NR3C1: variants seen among roughly 807,000 people sequenced by gnomAD.
The protein encoded by NR3C1 is glucocorticoid receptor.
A neutral mutation model predicts 74.0 loss-of-function variants in NR3C1; 14 were observed. The observed-to-expected ratio is 0.19, with a 90% CI of 0.12 to 0.30. The LOEUF (loss-of-function observed/expected upper bound fraction) is 0.30, where lower values mean the gene tolerates loss of function less well. Among genes scored for constraint, NR3C1 ranks in the 10% least tolerant of loss-of-function variants. The probability of loss-of-function intolerance (pLI) is 1.00; values close to 1 mark genes in which losing one functional copy is unlikely to be tolerated. For missense variants in NR3C1, 695 were observed against 909.8 expected, an observed-to-expected ratio of 0.76 and a Z score of 3.04; for synonymous variants, 308 against 332.5, an observed-to-expected ratio of 0.93 and a Z score of 0.80.
chr5:143,353,619 A>C (rs1830598754), intron 2 of NR3C1, among the ~76,000 whole-genome samples: 1 of 152,200 alleles, frequency 6.6e-6, no homozygotes, highest in Non-Finnish European at 1.5e-5. Flanking sequence ...ATGAACAGCA[A>C]TATTTTGAAA....
chr5:143,286,544 GT>G (rs890551219), intron 7 of NR3C1, among the ~76,000 whole-genome samples: 6 of 151,728 alleles, frequency 4.0e-5, no homozygotes, highest in African/African-American at 1.5e-4. Context: ...TATGATAAAA[GT>G]TTTTTTTGCT....
chr5:143,291,954 T>G (rs546612312), intron 7 of NR3C1, among the ~76,000 whole-genome samples: 1 of 152,356 alleles, frequency 6.6e-6, no homozygotes, highest in African/African-American at 2.4e-5. Context: ...TGAGGACTGC[T>G]TCTGATGCTT....
At chr5:143,392,258 C>T (rs1283367254) in intron 2 of NR3C1, among the ~76,000 whole-genome samples, 1 of 152,176 alleles carries the variant, frequency 6.6e-6, no homozygotes, top group Admixed American at 6.5e-5. Context: ...AGCCACCGCG[C>T]CTGGCCTAAT....
intron 2 of NR3C1, among the ~76,000 whole-genome samples, chr5:143,335,789 G>A (rs947909498): frequency 5.3e-5 from 8 of 152,050 alleles, no homozygotes; most frequent in Non-Finnish European, 8.8e-5. Flanking sequence ...TCATTCTTTG[G>A]TTTTTCACTA....
chr5:143,342,405 G>A (rs949771534), intron 2 of NR3C1, among the ~76,000 whole-genome samples: 4 of 152,234 alleles, frequency 2.6e-5, no homozygotes, highest in Non-Finnish European at 4.4e-5. Flanking sequence ...CACCAAGGTG[G>A]TGGCTCTGTG....
chr5:143,404,376 T>G (rs1840911185), upstream of NR3C1: 3 of 983,882 alleles, frequency 3.0e-6, no homozygotes, highest in African/African-American at 3.5e-5. Context: ...GCATACGTAC[T>G]TTGGGCCCGG....
At chr5:143,341,808 C>G (rs906770999) in intron 2 of NR3C1, among the ~76,000 whole-genome samples, 8 of 152,146 alleles carry the variant, frequency 5.3e-5, no homozygotes, top group African/African-American at 1.9e-4. Context: ...TAATTTACAA[C>G]AGATAATATA....
chr5:143,386,352 G>A (rs1277957962), intron 2 of NR3C1, among the ~76,000 whole-genome samples: 1 of 152,168 alleles, frequency 6.6e-6, no homozygotes, highest in Non-Finnish European at 1.5e-5. Flanking sequence ...ATAGAAAAGG[G>A]TGTTTATTAG....
chr5:143,294,249 G>T (rs1488385406), intron 7 of NR3C1: 1 of 984,706 alleles, frequency 1.0e-6, no homozygotes, highest in Non-Finnish European at 1.2e-6. Flanking sequence ...GTTACTAATG[G>T]AATTAAGACT....
chr5:143,402,783 G>A (rs757588625), intron 1 of NR3C1: 239 of 985,336 alleles, frequency 2.4e-4, no homozygotes, highest in Non-Finnish European at 2.8e-4. Context: ...GCGCGCCGGG[G>A]TGGCGTGCAA....
chr5:143,419,963 C>T (rs1315642475), intron 1 of NR3C1, among the ~76,000 whole-genome samples: 1 of 152,138 alleles, frequency 6.6e-6, no homozygotes, highest in African/African-American at 2.4e-5. Context: ...GAGACCCACC[C>T]TCAGGGGCAT....
upstream of NR3C1, among the ~76,000 whole-genome samples, chr5:143,407,927 A>AC (rs1841169012): frequency 6.6e-6 from 1 of 152,118 alleles, no homozygotes; most frequent in African/African-American, 2.4e-5. Flanking sequence ...ACCTTTACCT[A>AC]CCCCTTTGTA....
upstream of NR3C1, chr5:143,403,834 A>G (rs2151950193): frequency 3.1e-6 from 3 of 959,662 alleles, no homozygotes; most frequent in South Asian, 1.4e-4. Flanking sequence ...CCCTGCCCCC[A>G]CGCCCTCCGC....
At chr5:143,430,937 A>G (rs1476179702) in intron 1 of NR3C1, among the ~76,000 whole-genome samples, 2 of 152,194 alleles carry the variant, frequency 1.3e-5, no homozygotes. Flanking sequence ...ACACAGTCCC[A>G]CATTATAAGT....
chr5:143,395,914 A>G (rs1268383027), intron 2 of NR3C1, among the ~76,000 whole-genome samples: 1 of 151,808 alleles, frequency 6.6e-6, no homozygotes, highest in African/African-American at 2.4e-5. Flanking sequence ...ATCTCTACCC[A>G]CATATCCATT....
In NR3C1 at chr5:143,279,467, C is replaced by T; in HGVS notation, c.*2422G>A. The T allele has an allele frequency of 2.1e-6, 3 of 1,459,472 alleles. No homozygotes were observed. The highest frequency in any genetic ancestry group is 2.7e-6 in the Non-Finnish European group (3 of 1,111,326). The allele number at this position is 1,459,472 out of a possible 1,614,324, so 90.4% of individuals were successfully genotyped here. On this transcript the variant is annotated 3_prime_UTR_variant, in exon 9 of 9. Transcript: ENST00000394464. ...AGCTCTTTTTGAAACTTAACACTGT[C>T]ATTGATAAGAATATTCAAGCAGTTT...
At chr5:143,429,240 C>T (rs1193792529) in intron 1 of NR3C1, among the ~76,000 whole-genome samples, 1 of 152,194 alleles carries the variant, frequency 6.6e-6, no homozygotes, top group Non-Finnish European at 1.5e-5. Flanking sequence ...AGTTAAGTAA[C>T]TTGCCCAGGT....
At chr5:143,393,647 T>TAA (rs1838687490) in intron 2 of NR3C1, among the ~76,000 whole-genome samples, 1 of 152,052 alleles carries the variant, frequency 6.6e-6, no homozygotes, top group South Asian at 2.1e-4. Flanking sequence ...TAACATAAAG[T>TAA]AAAACAGTGT....
chr5:143,435,079 T>C (rs1182026170), exon 1 of NR3C1: 1 of 985,446 alleles, frequency 1.0e-6, no homozygotes. Flanking sequence ...AACCAACATG[T>C]GAGGTCTGAT....
Sources: gnomAD v4.1 joint callset for allele counts (sites outside exome capture counted in the v4.1 genomes callset) on GRCh38, gnomAD v4.1.1 for gene constraint, MANE v1.5 for transcripts, NCBI Gene and HGNC (gene_info 2026-07-23, HGNC 2026-07-21) for gene names.